The following CNTN1 variants were observed in gnomAD, a reference collection of about 807,000 sequenced individuals.
CNTN1 encodes the protein contactin-1.
CNTN1 carries 38 observed loss-of-function variants against 126.4 expected under a neutral mutation model. The observed-to-expected ratio is 0.30, with a 90% CI of 0.23 to 0.39. The LOEUF (loss-of-function observed/expected upper bound fraction) is 0.39, where lower values mean the gene tolerates loss of function less well. Among genes scored for constraint, CNTN1 ranks in the 10% least tolerant of loss-of-function variants. The pLI is 1.00. For synonymous variants in CNTN1, 413 were observed against 422.6 expected (o/e 0.98, Z 0.28); for missense variants, 1,009 against 1,248.4 (o/e 0.81, Z 2.89).
chr12:40,766,351 C>G (rs1334126549), intron 1 of CNTN1, among the ~76,000 whole-genome samples: 2 of 79,716 alleles, frequency 2.5e-5, no homozygotes, highest in Admixed American at 1.7e-4. Context: ...AATGAAACTC[C>G]GTCTTAAAAA....
chr12:40,770,144 T>C (rs772603813), intron 1 of CNTN1, among the ~76,000 whole-genome samples: 2 of 152,116 alleles, frequency 1.3e-5, no homozygotes, highest in Non-Finnish European at 2.9e-5. Flanking sequence ...AAATCCCTCT[T>C]TATAAAGCAA....
intron 1 of CNTN1, among the ~76,000 whole-genome samples, chr12:40,894,480 G>C (rs1332123420): frequency 6.6e-6 from 1 of 152,180 alleles, no homozygotes; most frequent in Non-Finnish European, 1.5e-5. Context: ...CTATACAGGA[G>C]AGAAGGGATA....
intron 23 of CNTN1, among the ~76,000 whole-genome samples, chr12:41,042,288 T>C: frequency 1.3e-5 from 2 of 152,104 alleles, no homozygotes; most frequent in African/African-American, 4.8e-5. Flanking sequence ...AGACAGTTTG[T>C]TATAATTTCT....
At chr12:40,803,131 C>T (rs1257801655) in intron 1 of CNTN1, among the ~76,000 whole-genome samples, 1 of 151,922 alleles carries the variant, frequency 6.6e-6, no homozygotes, top group Non-Finnish European at 1.5e-5. Context: ...ATTTTTCAGT[C>T]AGAATTGTGT....
Position 40,920,390 on chromosome 12 carries a change from T to C in CNTN1, c.227+1619T>C, listed in dbSNP as rs1592257753. 2.6e-5 allele frequency among the ~76,000 whole-genome samples: 4 copies of C among 151,762 alleles called. No individual in the cohort carries two copies. In the East Asian group the frequency reaches 7.7e-4, roughly 29 times the overall value. On this transcript the variant is annotated intron_variant, in intron 4 of 23. Coordinates refer to ENST00000551295, the MANE Select transcript of CNTN1 (RefSeq NM_001843.4). ...GCCTCTCTCAGGTTGCACCCAGCAC[T>C]GAAATTCCCACTTTGAGTTTGGCCT...
At chr12:40,985,325 A>C (rs1202369951) in intron 16 of CNTN1, among the ~76,000 whole-genome samples, 1 of 151,882 alleles carries the variant, frequency 6.6e-6, no homozygotes, top group Non-Finnish European at 1.5e-5. Flanking sequence ...TGGGTTCCTC[A>C]TTCCTTTCTG....
chr12:40,718,346 T>C (rs921711869), intron 1 of CNTN1, among the ~76,000 whole-genome samples: 31 of 152,160 alleles, frequency 2.0e-4, no homozygotes, highest in African/African-American at 7.2e-4. Flanking sequence ...TTTTTTTTTT[T>C]CTTTTTTGTA....
At chr12:40,778,250 C>T (rs1216293811) in intron 1 of CNTN1, among the ~76,000 whole-genome samples, 2 of 151,782 alleles carry the variant, frequency 1.3e-5, no homozygotes, top group Non-Finnish European at 2.9e-5. Context: ...TTATTGTTCT[C>T]CTATTTCAGA....
chr12:40,908,487 T>G lies in CNTN1; in HGVS notation c.55T>G (p.Leu19Val). Residue 19 changes from leucine to valine, a missense_variant, in exon 2 of 24, where the codon TTA becomes GTA. Transcript: ENST00000551295. ...HLVIISITTCLAEFTWYRRYG... is the reference protein window; with the variant it reads ...HLVIISITTCVAEFTWYRRYG... ...TGTGATAATATCTATTACTACCTGTTTAGCAGGTAAGAAATATCCTTTGTA... is the reference window on the plus strand; with the variant it reads ...TGTGATAATATCTATTACTACCTGTGTAGCAGGTAAGAAATATCCTTTGTA... The G allele has an allele frequency of 6.2e-7, 1 of 1,602,950 alleles. No individual in the cohort carries two copies. The highest frequency in any genetic ancestry group is 2.2e-5 in the East Asian group (1 of 44,720).
intron 1 of CNTN1, among the ~76,000 whole-genome samples, chr12:40,720,664 C>T (rs1318700088): frequency 1.3e-5 from 2 of 152,172 alleles, no homozygotes; most frequent in East Asian, 1.9e-4. Flanking sequence ...CGCGGTGGCT[C>T]ATGTCTGTAA....
intron 1 of CNTN1, among the ~76,000 whole-genome samples, chr12:40,768,000 ATACTGATATACTTCTAAAG>A (rs1360472741): frequency 7.4e-3 from 6 of 806 alleles, no homozygotes; most frequent in Admixed American, 0.036. Context: ...GATCATTTCT[ATACTGATATACTTCTAAAG>A]CTTATACATT....
At chr12:40,942,876 T>A (rs1246117028) in intron 12 of CNTN1, among the ~76,000 whole-genome samples, 1 of 152,120 alleles carries the variant, frequency 6.6e-6, no homozygotes, top group Non-Finnish European at 1.5e-5. Flanking sequence ...TTGCTTCTTT[T>A]ATCAGACTTT....
intron 23 of CNTN1, among the ~76,000 whole-genome samples, chr12:41,054,605 T>G (rs987568572): frequency 2.0e-5 from 3 of 152,062 alleles, no homozygotes; most frequent in Non-Finnish European, 4.4e-5. Context: ...TCAATTATTT[T>G]ATTGATCTTC....
chr12:40,860,205 A>G (rs1245063820), intron 1 of CNTN1, among the ~76,000 whole-genome samples: 3 of 152,172 alleles, frequency 2.0e-5, no homozygotes, highest in African/African-American at 7.2e-5. Flanking sequence ...GCCAGGATAT[A>G]AAACTGAAAA....
chr12:41,068,414 C>T (rs1194018649), intron 23 of CNTN1, among the ~76,000 whole-genome samples: 3 of 152,054 alleles, frequency 2.0e-5, no homozygotes, highest in South Asian at 4.2e-4. Context: ...TTATATTCCC[C>T]TTGTTATCTG....
chr12:40,873,253 G>A (rs931692020), intron 1 of CNTN1, among the ~76,000 whole-genome samples: 1 of 152,056 alleles, frequency 6.6e-6, no homozygotes, highest in East Asian at 1.9e-4. Context: ...CACACAAATT[G>A]CAAGAATTAT....
intron 1 of CNTN1, among the ~76,000 whole-genome samples, chr12:40,706,656 C>T (rs928137758): frequency 6.6e-6 from 1 of 152,096 alleles, no homozygotes; most frequent in Non-Finnish European, 1.5e-5. Context: ...TAGAAATGTT[C>T]TTTTGTAATA....
In CNTN1 at chr12:40,707,227, C is replaced by CTTTTTTTTTTT. The variant is rs370984371; in HGVS notation, c.-77+14664_-77+14674dup. 8.6e-4 allele frequency among the ~76,000 whole-genome samples: 94 copies of CTTTTTTTTTTT among 109,164 alleles called. 9 individuals are homozygous for CTTTTTTTTTTT. The highest frequency in any genetic ancestry group is 2.5e-3 in the African/African-American group (64 of 26,092). The allele number at this position is 109,164 out of a possible 152,430, so 71.6% of individuals were successfully genotyped here. A position where few individuals can be genotyped will look rare whatever the true frequency, so the allele number is the denominator to read the frequency against. ...TTCCTCTTTCATTTCTTTTCTTTTT[C>CTTTTTTTTTTT]TTTTTTTTTTTTTTTTTTTTTTTTT... On this transcript the variant is annotated intron_variant, in intron 1 of 23. Coordinates refer to ENST00000551295, the MANE Select transcript of CNTN1 (RefSeq NM_001843.4).
intron 1 of CNTN1, among the ~76,000 whole-genome samples, chr12:40,785,563 G>A (rs1207860054): frequency 6.6e-6 from 1 of 152,140 alleles, no homozygotes; most frequent in African/African-American, 2.4e-5. Flanking sequence ...ATAGGTGGTG[G>A]AATTAGGAGC....
Sources: allele counts gnomAD v4.1 joint callset (sites outside exome capture counted in the v4.1 genomes callset), GRCh38; gene constraint gnomAD v4.1.1; transcripts MANE v1.5; gene names NCBI Gene and HGNC (gene_info 2026-07-23, HGNC 2026-07-21).